The following WWOX variants were observed in gnomAD, a reference collection of about 807,000 sequenced individuals.
WWOX encodes WW domain-containing oxidoreductase.
WWOX carries 69 observed loss-of-function variants against 46.2 expected under a neutral mutation model. The observed-to-expected ratio is 1.49, with a 90% confidence interval of 1.23 to 1.82. The LOEUF (loss-of-function observed/expected upper bound fraction) is 1.82, where lower values mean the gene tolerates loss of function less well. Ranked by LOEUF, WWOX falls within the 40% of genes most tolerant of loss-of-function variation. The pLI, the probability that WWOX is intolerant of heterozygous loss-of-function variation, is 0.00. For synonymous variants in WWOX, 359 were observed against 202.6 expected, an observed-to-expected ratio of 1.77 and a Z score of -6.56; for missense variants, 919 against 542.6, an observed-to-expected ratio of 1.69 and a Z score of -6.89.
At chr16:78,765,625 G>A (rs536632491) in intron 8 of WWOX, among the ~76,000 whole-genome samples, 38 of 152,266 alleles carry the variant, frequency 2.5e-4, no homozygotes, top group African/African-American at 9.1e-4. Flanking sequence ...GTTGCAGTGA[G>A]CCGAGATTGT....
Position 78,837,083 on chromosome 16 carries a change from C to G in WWOX, c.1057-374525C>G, listed in dbSNP as rs192892183. 2.6e-3 allele frequency among the ~76,000 whole-genome samples: 402 copies of G among 151,976 alleles called. 5 individuals carry two copies. Among genetic ancestry groups the G allele is most frequent in the African/African-American group, 9.1e-3 (378 of 41,446 alleles). ...AGAAGTTCCAGAATTGCAGATGGCC[C>G]TTTGCTGCTTAGGGAGGGGGGAGAA... is the stretch of plus-strand genomic sequence containing the variant. On this transcript the variant is annotated intron_variant, in intron 8 of 8. Coordinates refer to ENST00000566780, the MANE Select transcript of WWOX (RefSeq NM_016373.4).
chr16:78,327,125 C>A (rs1163881268), intron 5 of WWOX, among the ~76,000 whole-genome samples: 1 of 152,164 alleles, frequency 6.6e-6, no homozygotes, highest in East Asian at 1.9e-4. Context: ...TAAGTGACCC[C>A]ACACTGAAGA....
chr16:78,493,547 T>C (rs774555278), intron 8 of WWOX, among the ~76,000 whole-genome samples: 1 of 152,214 alleles, frequency 6.6e-6, no homozygotes, highest in Non-Finnish European at 1.5e-5. Flanking sequence ...TTATAAAATA[T>C]CTTTGGGGTG....
At chr16:79,180,696 C>G (rs1048568357) in intron 8 of WWOX, among the ~76,000 whole-genome samples, 3 of 152,168 alleles carry the variant, frequency 2.0e-5, no homozygotes, top group African/African-American at 7.2e-5. Context: ...CTCCCTCCCT[C>G]CATTTCTTCA....
At chr16:78,867,908 A>G (rs2044041878) in intron 8 of WWOX, among the ~76,000 whole-genome samples, 1 of 152,218 alleles carries the variant, frequency 6.6e-6, no homozygotes, top group Non-Finnish European at 1.5e-5. Context: ...GAAAATGTGG[A>G]AGAACTAGAA....
intron 8 of WWOX, among the ~76,000 whole-genome samples, chr16:78,884,359 C>T (rs76162991): frequency 6.8e-6 from 1 of 146,548 alleles, no homozygotes; most frequent in East Asian, 2.0e-4. Flanking sequence ...AAGACAAGTA[C>T]AAGAGTGTGT....
At chr16:78,481,374 A>G (rs897514268) in intron 8 of WWOX, among the ~76,000 whole-genome samples, 2 of 152,136 alleles carry the variant, frequency 1.3e-5, no homozygotes, top group South Asian at 2.1e-4. Flanking sequence ...TCTGCCTACT[A>G]GAAGGATATC....
At chr16:78,505,548 C>CT (rs1017431093) in intron 8 of WWOX, among the ~76,000 whole-genome samples, 5 of 152,174 alleles carry the variant, frequency 3.3e-5, no homozygotes, top group African/African-American at 1.2e-4. Context: ...CTGCTGGGCT[C>CT]TAGAGAAGTG....
At chr16:78,373,441 C>T (rs1442550083) in intron 5 of WWOX, among the ~76,000 whole-genome samples, 1 of 152,070 alleles carries the variant, frequency 6.6e-6, no homozygotes, top group Non-Finnish European at 1.5e-5. Flanking sequence ...GAGAAATAGC[C>T]CAGGAGTTAC....
intron 5 of WWOX, among the ~76,000 whole-genome samples, chr16:78,265,040 G>A (rs533557272): frequency 1.3e-4 from 16 of 118,538 alleles, no homozygotes; most frequent in Admixed American, 2.4e-4. Context: ...TCACTCCGTC[G>A]TCCAGGTTGG....
chr16:78,883,409 A>G (rs1157817743), intron 8 of WWOX, among the ~76,000 whole-genome samples: 1 of 152,158 alleles, frequency 6.6e-6, no homozygotes, highest in Admixed American at 6.5e-5. Context: ...CATTTACTTA[A>G]TAGTAACATA....
At chr16:78,704,150 A>G (rs1463920999) in intron 8 of WWOX, among the ~76,000 whole-genome samples, 1 of 150,360 alleles carries the variant, frequency 6.7e-6, no homozygotes, top group East Asian at 2.0e-4. Context: ...TTTTTTTTTA[A>G]CCTCCAGCAG....
intron 8 of WWOX, among the ~76,000 whole-genome samples, chr16:78,501,469 G>C (rs1317299822): frequency 6.6e-6 from 1 of 151,676 alleles, no homozygotes; most frequent in Non-Finnish European, 1.5e-5. Context: ...CAACCTTTTT[G>C]CTGGCTCTCT....
chr16:78,191,465 C>G (rs2035881511), intron 5 of WWOX, among the ~76,000 whole-genome samples: 1 of 152,104 alleles, frequency 6.6e-6, no homozygotes, highest in African/African-American at 2.4e-5. Context: ...AATATGCCGC[C>G]ACAATATATC....
chr16:78,545,036 A>C (rs1299025861), intron 8 of WWOX, among the ~76,000 whole-genome samples: 6 of 152,120 alleles, frequency 3.9e-5, no homozygotes. Context: ...AGAAAGAAAG[A>C]GAGAGAGATT....
intron 5 of WWOX, among the ~76,000 whole-genome samples, chr16:78,303,944 A>G (rs969666850): frequency 1.3e-5 from 2 of 152,208 alleles, no homozygotes; most frequent in Non-Finnish European, 1.5e-5. Flanking sequence ...TTGAATCTAT[A>G]CGCAATTCTA....
At chr16:78,825,451 G>T (rs1031039638) in intron 8 of WWOX, 2 of 384,642 alleles carry the variant, frequency 5.2e-6, no homozygotes, top group East Asian at 6.5e-5. Context: ...AACAAAAAAT[G>T]TTCCTGGTGA....
rs533409769 is a variant in WWOX at position 78,506,207 on chromosome 16, G to C, written c.1056+73455G>C. Reference sequence around the variant, plus strand: ...GAGGCAGCCCTCCAAACATAACTTGGCCTCTTCGTTCTCCCTGTGGACACA... The same window carrying C: ...GAGGCAGCCCTCCAAACATAACTTGCCCTCTTCGTTCTCCCTGTGGACACA... On this transcript the variant is annotated intron_variant, in intron 8 of 8. Coordinates refer to ENST00000566780, the MANE Select transcript of WWOX (RefSeq NM_016373.4). Among the ~76,000 whole-genome samples, 19 of 152,278 alleles carry C rather than the reference G, an allele frequency of 1.2e-4. No homozygotes were observed. The South Asian group carries it at 3.9e-3, about 32-fold the overall frequency.
rs746893085 is a variant in WWOX, at chr16:78,424,915, C to G, written c.651C>G (p.Pro217=). ...GCAACGCAGCAACTTTTGCTCTACC[C>G]TGGAGTCTCACCAAAGATGGCCTGG... ...LVCNAATFAL[P]WSLTKDGLET... is the part of the protein sequence containing the mutation. Residue 217 remains proline, a synonymous_variant, in exon 7 of 9, where the codon CCC becomes CCG. Transcript: ENST00000566780. 16 of 1,614,138 alleles carry G rather than the reference C, an allele frequency of 9.9e-6. No homozygotes were observed. The highest frequency in any genetic ancestry group is 1.4e-5 in the Non-Finnish European group (16 of 1,180,034).
Sources: allele counts gnomAD v4.1 joint callset (sites outside exome capture counted in the v4.1 genomes callset), GRCh38; gene constraint gnomAD v4.1.1; transcripts MANE v1.5; gene names NCBI Gene and HGNC (gene_info 2026-07-23, HGNC 2026-07-21).